PHEX: variants seen among roughly 807,000 people sequenced by gnomAD.
The protein encoded by PHEX is phosphate regulating endopeptidase X-linked, also known as phosphate-regulating neutral endopeptidase PHEX.
A neutral mutation model predicts 68.0 loss-of-function variants in PHEX; 16 were observed. The observed-to-expected ratio is 0.24, with a 90% confidence interval of 0.16 to 0.36. The LOEUF is 0.36. PHEX is among the 10% of genes least tolerant of loss of function. PHEX has a pLI of 1.00. For missense variants in PHEX, 480 were observed against 575.5 expected, an observed-to-expected ratio of 0.83 and a Z score of 1.70; for synonymous variants, 208 against 205.1, an observed-to-expected ratio of 1.01 and a Z score of -0.12.
chrX:22,074,469 C>T (rs1304722745), intron 3 of PHEX, among the ~76,000 whole-genome samples: 3 of 110,464 alleles, frequency 2.7e-5, no homozygotes, highest in African/African-American at 9.9e-5. Flanking sequence ...TTTTTCCCTC[C>T]CTGTGATAGA....
At chrX:22,070,275 T>A (rs935976269) in intron 3 of PHEX, among the ~76,000 whole-genome samples, 1 of 111,831 alleles carries the variant, frequency 8.9e-6, no homozygotes, top group Admixed American at 9.5e-5. Context: ...TTCATGTTCT[T>A]TTTTTCACCA....
chrX:22,066,773 G>A (rs981662615), intron 3 of PHEX, among the ~76,000 whole-genome samples: 17 of 111,889 alleles, frequency 1.5e-4, no homozygotes, highest in African/African-American at 5.5e-4. Flanking sequence ...ATAGAAGGTG[G>A]GAGTGAAAAC....
intron 2 of PHEX, among the ~76,000 whole-genome samples, chrX:22,041,775 G>GAACACTT (rs1398776348): frequency 9.1e-6 from 1 of 110,361 alleles, no homozygotes; most frequent in East Asian, 2.8e-4. Context: ...CTTGAGTTTA[G>GAACACTT]AACACTTTTT....
In PHEX at chrX:22,146,752, G is replaced by A. The variant is rs367789105; in HGVS notation, c.1404+13128G>A. On this transcript the variant is annotated intron_variant, in intron 12 of 21. Transcript: ENST00000379374. ...GAATCGCTTGAACCCAGGAGGCAGA[G>A]GTTGCAGTGAGCCAAGATTGTGCCA... Among the ~76,000 whole-genome samples, 11 of 111,167 alleles carry A rather than the reference G, an allele frequency of 9.9e-5. No individual in the cohort carries two copies. The East Asian group carries it at 1.1e-3, about 11-fold the overall frequency.
chrX:22,044,669 C>T (rs767913513), intron 2 of PHEX, among the ~76,000 whole-genome samples: 7 of 109,204 alleles, frequency 6.4e-5, no homozygotes, highest in African/African-American at 1.3e-4. Flanking sequence ...GCTGAGATCA[C>T]GCCACTGCAC....
chrX:22,154,978 A>G lies in PHEX; in HGVS notation c.1405-13334A>G, dbSNP rs774872697. On this transcript the variant is annotated intron_variant, in intron 12 of 21. Coordinates refer to ENST00000379374, the MANE Select transcript of PHEX (RefSeq NM_000444.6). Reference sequence around the variant, plus strand: ...CCAGGCTCGAGTGCAGTGGCATGATATCGGCTCACTGCAACCTCCGCCTCC... The same window carrying G: ...CCAGGCTCGAGTGCAGTGGCATGATGTCGGCTCACTGCAACCTCCGCCTCC... Among the ~76,000 whole-genome samples, 4 of 112,397 alleles carry G rather than the reference A, an allele frequency of 3.6e-5. No individual in the cohort carries two copies. The East Asian group carries it at 1.1e-3, about 31-fold the overall frequency.
At chrX:22,235,771 A>G (rs948705799) in intron 20 of PHEX, among the ~76,000 whole-genome samples, 2 of 104,571 alleles carry the variant, frequency 1.9e-5, no homozygotes, top group South Asian at 7.6e-4. Context: ...GCATAATCTT[A>G]ATAAATATCC....
chrX:22,232,982 A>G (rs1262353595), intron 20 of PHEX, among the ~76,000 whole-genome samples: 1 of 110,919 alleles, frequency 9.0e-6, no homozygotes, highest in Non-Finnish European at 1.9e-5. Flanking sequence ...AGCTCTTGTA[A>G]GGAAGGCCTG....
intron 1 of PHEX, among the ~76,000 whole-genome samples, chrX:22,035,534 A>G (rs1926966453): frequency 8.9e-6 from 1 of 112,499 alleles, no homozygotes; most frequent in Non-Finnish European, 1.9e-5. Context: ...AATGTTATAT[A>G]CTTTTCATAT....
At chrX:22,184,398 C>G (rs1372099235) in intron 14 of PHEX, among the ~76,000 whole-genome samples, 1 of 111,132 alleles carries the variant, frequency 9.0e-6, no homozygotes, top group Admixed American at 9.6e-5. Flanking sequence ...CTCTACTACA[C>G]TAGTTTACTT....
At chrX:22,158,316 G>C (rs954870314) in intron 12 of PHEX, among the ~76,000 whole-genome samples, 2 of 112,057 alleles carry the variant, frequency 1.8e-5, no homozygotes, top group East Asian at 5.6e-4. Context: ...AGAAAATGAG[G>C]CCTTGGCATG....
rs56393228 is a variant in PHEX, at chrX:22,159,451, G to A, written c.1405-8861G>A. On this transcript the variant is annotated intron_variant, in intron 12 of 21. Transcript: ENST00000379374. ...GCTTGAGCCCAGGAGTTTGAGACCT[G>A]TCTGGGCAACGTAGTGAGACCTCGT... Among the ~76,000 whole-genome samples, 474 of 111,856 alleles carry A rather than the reference G, an allele frequency of 4.2e-3. 1 individual carries two copies. The highest frequency in any genetic ancestry group is 0.015 in the African/African-American group (453 of 30,682).
chrX:22,109,749 A>C (rs1017029308), intron 9 of PHEX, among the ~76,000 whole-genome samples: 1 of 112,074 alleles, frequency 8.9e-6, no homozygotes, highest in African/African-American at 3.2e-5. Context: ...CTGAGATCAC[A>C]CATTCTTCTG....
At chrX:22,175,877 G>A in intron 13 of PHEX, among the ~76,000 whole-genome samples, 1 of 111,364 alleles carries the variant, frequency 9.0e-6, no homozygotes, top group Non-Finnish European at 1.9e-5. Flanking sequence ...GAACATACCT[G>A]AATTTTCTAT....
chrX:22,161,549 C>T (rs764716361), intron 12 of PHEX, among the ~76,000 whole-genome samples: 19 of 112,292 alleles, frequency 1.7e-4, no homozygotes, highest in South Asian at 1.1e-3. Flanking sequence ...TTTATATTTT[C>T]TGATACTCTT....
chrX:22,087,980 T>C (rs1424082073), intron 5 of PHEX, among the ~76,000 whole-genome samples: 2 of 111,873 alleles, frequency 1.8e-5, no homozygotes, highest in East Asian at 5.6e-4. Flanking sequence ...CATAGAGTCA[T>C]GTAACCACCA....
chrX:22,197,185 C>G (rs1275830726), intron 15 of PHEX, among the ~76,000 whole-genome samples: 1 of 111,294 alleles, frequency 9.0e-6, no homozygotes, highest in Non-Finnish European at 1.9e-5. Flanking sequence ...TTTCTCACTA[C>G]CTAAAAGAGA....
intron 16 of PHEX, among the ~76,000 whole-genome samples, chrX:22,215,095 C>G (rs914892984): frequency 1.8e-5 from 2 of 111,710 alleles, no homozygotes; most frequent in African/African-American, 6.5e-5. Context: ...TAGCTGGAGA[C>G]TAGGAAATAG....
chrX:22,235,591 C>T (rs911937980), intron 20 of PHEX, among the ~76,000 whole-genome samples: 4 of 111,060 alleles, frequency 3.6e-5, no homozygotes, highest in African/African-American at 1.3e-4. Flanking sequence ...GGTACTAATC[C>T]CATTCCTGAG....
Sources: allele counts gnomAD v4.1 joint callset (sites outside exome capture counted in the v4.1 genomes callset), GRCh38; gene constraint gnomAD v4.1.1; transcripts MANE v1.5; gene names NCBI Gene and HGNC (gene_info 2026-07-23, HGNC 2026-07-21).